The following CSMD2 variants were observed in gnomAD, a reference collection of about 807,000 sequenced individuals.
CSMD2 encodes the protein CUB and sushi domain-containing protein 2.
CSMD2 carries 130 observed loss-of-function variants against 398.5 expected under a neutral mutation model. That is an observed-to-expected ratio of 0.33 (90% CI 0.28 to 0.38). CSMD2 has a LOEUF of 0.38. CSMD2 is among the 10% of genes least tolerant of loss of function. CSMD2 has a pLI of 1.00. For synonymous variants in CSMD2, 1,828 were observed against 1,908.5 expected, an observed-to-expected ratio of 0.96 and a Z score of 1.10; for missense variants, 3,829 against 4,764.9, an observed-to-expected ratio of 0.80 and a Z score of 5.78.
At chr1:33,656,686 G>T (rs1014913373) in intron 27 of CSMD2, among the ~76,000 whole-genome samples, 1 of 152,240 alleles carries the variant, frequency 6.6e-6, no homozygotes, top group South Asian at 2.1e-4. Flanking sequence ...GAAAATGAGA[G>T]GCTTTGCATT....
intron 3 of CSMD2, among the ~76,000 whole-genome samples, chr1:34,001,637 G>A (rs535744844): frequency 6.6e-6 from 1 of 152,150 alleles, no homozygotes; most frequent in Non-Finnish European, 1.5e-5. Context: ...AGTGGACTCT[G>A]GCAAATGAAG....
intron 17 of CSMD2, 85 bp from the exon 18 acceptor site, chr1:33,724,789 G>T: frequency 7.7e-7 from 1 of 1,296,414 alleles, no homozygotes; most frequent in African/African-American, 1.5e-5. Context: ...TAAGAAGAGA[G>T]CCCTGGTTTA....
At chr1:33,590,921 T>C (rs1254321096) in intron 44 of CSMD2, among the ~76,000 whole-genome samples, 2 of 151,862 alleles carry the variant, frequency 1.3e-5, no homozygotes, top group Non-Finnish European at 2.9e-5. Flanking sequence ...TTCCTGGGAA[T>C]GTTATTCCTC....
chr1:33,786,815 A>G (rs1193820873), intron 12 of CSMD2, among the ~76,000 whole-genome samples: 1 of 152,186 alleles, frequency 6.6e-6, no homozygotes, highest in African/African-American at 2.4e-5. Context: ...AAATCTCAGT[A>G]TAGCTGTCAT....
chr1:33,965,903 G>A (rs1220674634), intron 3 of CSMD2, among the ~76,000 whole-genome samples: 1 of 152,178 alleles, frequency 6.6e-6, no homozygotes, highest in Non-Finnish European at 1.5e-5. Context: ...CAGAATGAAT[G>A]AGCAGGCAGA....
At chr1:34,126,231 C>T (rs1334139124) in intron 1 of CSMD2, among the ~76,000 whole-genome samples, 4 of 152,172 alleles carry the variant, frequency 2.6e-5, no homozygotes, top group African/African-American at 9.7e-5. Flanking sequence ...GGTCTGCCTC[C>T]GGGGAGCTCA....
chr1:33,913,769 C>T (rs1643583260), intron 5 of CSMD2, among the ~76,000 whole-genome samples: 1 of 152,044 alleles, frequency 6.6e-6, no homozygotes, highest in Admixed American at 6.5e-5. Context: ...ACTTCCTCTC[C>T]TATATTCTAG....
intron 12 of CSMD2, among the ~76,000 whole-genome samples, chr1:33,780,981 C>T (rs1335057822): frequency 6.6e-6 from 1 of 152,176 alleles, no homozygotes; most frequent in Admixed American, 6.5e-5. Flanking sequence ...AAGGCGGTGT[C>T]CTAGAGGGAG....
chr1:33,645,593 G>A (rs531777993), intron 29 of CSMD2, among the ~76,000 whole-genome samples: 8 of 152,240 alleles, frequency 5.3e-5, no homozygotes, highest in Admixed American at 2.6e-4. Flanking sequence ...AGATAATAGC[G>A]TAGAAGACAG....
At chr1:33,933,485 GAA>G (rs1644375375) in intron 4 of CSMD2, among the ~76,000 whole-genome samples, 2 of 152,136 alleles carry the variant, frequency 1.3e-5, no homozygotes, top group Admixed American at 1.3e-4. Flanking sequence ...GCTGCAAAAA[GAA>G]AAAGAACTGC....
In CSMD2 at chr1:33,635,095, T is replaced by A; in HGVS notation, c.5086+119A>T. ...CACTCGGCCGTCCTTTTGGGGAGAC[T>A]GTTCTGCGATTCCCACAATGGGGCT... On this transcript the variant is annotated intron_variant, in intron 31 of 70. Coordinates refer to ENST00000373381, the MANE Select transcript of CSMD2 (RefSeq NM_001281956.2). This position sits in a 1 kb window ranked among gnomAD's most constrained non-coding sequence, Gnocchi z 5.0. The A allele has an allele frequency of 1.5e-6, 1 of 658,476 alleles. No individual in the cohort carries two copies. The highest frequency in any genetic ancestry group is 2.8e-5 in the East Asian group (1 of 35,982). The allele number at this position is 658,476 out of a possible 1,614,324, so 40.8% of individuals were successfully genotyped here. A position where few individuals can be genotyped will look rare whatever the true frequency, so the allele number is the denominator to read the frequency against.
In CSMD2 at chr1:34,165,093, G is replaced by A; in HGVS notation, c.5C>T (p.Pro2Leu). The change falls in exon 1 of 71, where the codon CCG (proline) becomes CTG (leucine). Residue 2 changes from proline to leucine, a missense_variant. Coordinates refer to ENST00000373381, the MANE Select transcript of CSMD2 (RefSeq NM_001281956.2). ...CCCCAGCTCCCGTCCCCGCGAGCGCGGCATGGCGCGGCCGGCAGCGCCGAG... is the reference window on the plus strand; with the variant it reads ...CCCCAGCTCCCGTCCCCGCGAGCGCAGCATGGCGCGGCCGGCAGCGCCGAG... M[P>L]RSRGRELGRC... is the part of the protein sequence containing the mutation. 8.2e-7 allele frequency: 1 copy of A among 1,214,214 alleles called. No individual in the cohort carries two copies. The highest frequency in any genetic ancestry group is 1.0e-6 in the Non-Finnish European group (1 of 976,514). 75.2% of individuals were successfully genotyped at this position (1,214,214 alleles called of 1,614,324 possible).
chr1:33,897,521 T>C (rs931873827), intron 5 of CSMD2, among the ~76,000 whole-genome samples: 1 of 152,196 alleles, frequency 6.6e-6, no homozygotes, highest in South Asian at 2.1e-4. Context: ...ACAATGCAAG[T>C]AAAAACCTGT....
In CSMD2 at chr1:34,089,118, T is replaced by C. The variant is rs1429698825; in HGVS notation, c.263A>G (p.Asn88Ser). The C allele has an allele frequency of 1.4e-5, 23 of 1,614,046 alleles. No homozygotes were observed. Among genetic ancestry groups the C allele is most frequent in the Non-Finnish European group, 1.7e-5 (20 of 1,180,032 alleles). Residue 88 changes from asparagine to serine, a missense_variant, in exon 2 of 71, where the codon AAT becomes AGT. Physicochemically the swap from Asn to Ser is conservative, Grantham distance 46. Coordinates refer to ENST00000373381, the MANE Select transcript of CSMD2 (RefSeq NM_001281956.2). Reference protein sequence around the residue: ...ESPGFPYGYPNYANCTWTITA... With the variant: ...ESPGFPYGYPSYANCTWTITA... ...GATGGTCCACGTGCAGTTGGCGTAA[T>C]TGGGGTAGCCATATGGGAACCCTGG...
At chr1:33,966,507 T>C (rs79144075) in intron 3 of CSMD2, among the ~76,000 whole-genome samples, 316 of 152,314 alleles carry the variant, frequency 2.1e-3, no homozygotes, top group African/African-American at 7.4e-3. Flanking sequence ...TGTTGGGGCT[T>C]ATGTGGCAAC....
At position 33,533,596 on chromosome 1, in the gene CSMD2, G is replaced by A. The variant is rs942888751; in HGVS notation, c.9991+200C>T. 1.3e-5 allele frequency among the ~76,000 whole-genome samples: 2 copies of A among 152,230 alleles called. No individual in the cohort carries two copies. Among genetic ancestry groups the A allele is most frequent in the Non-Finnish European group, 2.9e-5 (2 of 68,036 alleles). On this transcript the variant is annotated intron_variant, in intron 63 of 70. Coordinates refer to ENST00000373381, the MANE Select transcript of CSMD2 (RefSeq NM_001281956.2). This position sits in a 1 kb window ranked among gnomAD's most constrained non-coding sequence, Gnocchi z 4.2. ...ATAGTTTTTTCTTTGCTAAGGCATA[G>A]GGATTGCCTTCCAATATCAGAAAGG...
chr1:33,810,161 T>C (rs1172824334), intron 10 of CSMD2, among the ~76,000 whole-genome samples: 1 of 152,010 alleles, frequency 6.6e-6, no homozygotes, highest in Non-Finnish European at 1.5e-5. Context: ...AACATACTTG[T>C]AAAATTTATA....
At chr1:33,995,285 T>C (rs899723474) in intron 3 of CSMD2, among the ~76,000 whole-genome samples, 1 of 152,130 alleles carries the variant, frequency 6.6e-6, no homozygotes, top group African/African-American at 2.4e-5. Context: ...CAAGTCCCAG[T>C]TGTATATGCA....
At chr1:33,964,023 G>A (rs1297939629) in intron 3 of CSMD2, among the ~76,000 whole-genome samples, 1 of 152,220 alleles carries the variant, frequency 6.6e-6, no homozygotes, top group African/African-American at 2.4e-5. Flanking sequence ...GTGCCATTTT[G>A]TCTTCTCACC....
Sources: allele counts gnomAD v4.1 joint callset (sites outside exome capture counted in the v4.1 genomes callset), GRCh38; gene constraint gnomAD v4.1.1; non-coding constraint Gnocchi (gnomAD v3.1); transcripts MANE v1.5; gene names NCBI Gene and HGNC (gene_info 2026-07-23, HGNC 2026-07-21).